Variants in GRM8 observed in about 807,000 individuals in gnomAD.
GRM8 encodes metabotropic glutamate receptor 8.
GRM8 carries 47 observed loss-of-function variants against 87.2 expected under a neutral mutation model. The observed-to-expected ratio is 0.54, with a 90% CI of 0.43 to 0.69. GRM8 has a LOEUF of 0.69. GRM8 is among the 30% of genes least tolerant of loss of function. GRM8 has a pLI of 0.00. For missense variants in GRM8, 1,019 were observed against 1,139.2 expected (o/e 0.89, Z 1.52); for synonymous variants, 396 against 404.5 (o/e 0.98, Z 0.25).
At chr7:126,479,160 GATCCTA>G (rs1806359563) in intron 9 of GRM8, among the ~76,000 whole-genome samples, 1 of 152,056 alleles carries the variant, frequency 6.6e-6, no homozygotes, top group Non-Finnish European at 1.5e-5. Context: ...CAAATGAAAT[GATCCTA>G]ATCTTGTGTT....
chr7:126,642,289 CA>C (rs1403745393), intron 7 of GRM8, among the ~76,000 whole-genome samples: 2 of 152,168 alleles, frequency 1.3e-5, no homozygotes, highest in East Asian at 3.9e-4. Context: ...AAGCACCACA[CA>C]TCATTAGACT....
At chr7:126,797,118 G>A (rs902711182) in intron 6 of GRM8, among the ~76,000 whole-genome samples, 1 of 152,066 alleles carries the variant, frequency 6.6e-6, no homozygotes, top group African/African-American at 2.4e-5. Context: ...GTCATTAAAT[G>A]TGAAAGCTTC....
intron 3 of GRM8, among the ~76,000 whole-genome samples, chr7:127,068,381 G>A (rs1240842153): frequency 1.3e-5 from 2 of 152,146 alleles, no homozygotes; most frequent in Non-Finnish European, 2.9e-5. Flanking sequence ...GGGGATTCCA[G>A]GCACATTATC....
chr7:126,557,007 A>T (rs1371446758), intron 8 of GRM8, among the ~76,000 whole-genome samples: 1 of 152,220 alleles, frequency 6.6e-6, no homozygotes, highest in East Asian at 1.9e-4. Flanking sequence ...CAGCACAAAG[A>T]AGAAACAGAA....
chr7:126,462,153 G>C (rs1332198627), intron 9 of GRM8, among the ~76,000 whole-genome samples: 1 of 151,518 alleles, frequency 6.6e-6, no homozygotes, highest in Non-Finnish European at 1.5e-5. Context: ...AGGCTGTTAA[G>C]TTTTACCACA....
In GRM8 at chr7:126,798,455, G is replaced by T. The variant is rs546532615; in HGVS notation, c.1157-28390C>A. Among the ~76,000 whole-genome samples the T allele has an allele frequency of 5.9e-5, 9 of 152,180 alleles. No individual in the cohort carries two copies. The East Asian group carries it at 1.7e-3, about 29-fold the overall frequency. On this transcript the variant is annotated intron_variant, in intron 6 of 10. Coordinates refer to ENST00000339582, the MANE Select transcript of GRM8 (RefSeq NM_000845.3). Reference sequence around the variant, plus strand: ...CCATGGCCACCTCATAGTGATAGGGGTGCTTCAACATGTCCTTAAGGCCAC... The same window carrying T: ...CCATGGCCACCTCATAGTGATAGGGTTGCTTCAACATGTCCTTAAGGCCAC...
At chr7:126,835,086 T>TAAAAAAAAAAAAAAAAAAAAAAAAA (rs11387803) in intron 6 of GRM8, among the ~76,000 whole-genome samples, 1 of 137,376 alleles carries the variant, frequency 7.3e-6, no homozygotes, top group Non-Finnish European at 1.6e-5. Flanking sequence ...AAAAAAAAAA[T>TAAAAAAAAAAAAAAAAAAAAAAAAA]AAAAAAAAAA....
chr7:126,983,113 G>C (rs528113553), intron 3 of GRM8, among the ~76,000 whole-genome samples: 2 of 152,260 alleles, frequency 1.3e-5, no homozygotes, highest in East Asian at 1.9e-4. Context: ...AAAGTGTCCA[G>C]GTGGCAATCT....
At chr7:126,881,828 C>T (rs1328310612) in intron 6 of GRM8, among the ~76,000 whole-genome samples, 1 of 152,080 alleles carries the variant, frequency 6.6e-6, no homozygotes, top group African/African-American at 2.4e-5. Context: ...TATCTTGTCC[C>T]ATAAGTGCTA....
chr7:126,692,115 G>C (rs2151374621), intron 7 of GRM8, among the ~76,000 whole-genome samples: 1 of 152,266 alleles, frequency 6.6e-6, no homozygotes, highest in South Asian at 2.1e-4. Context: ...GAATAGAAAA[G>C]AAAATGTTGC....
intron 6 of GRM8, among the ~76,000 whole-genome samples, chr7:126,899,342 G>C (rs181400225): frequency 6.6e-6 from 1 of 152,142 alleles, no homozygotes; most frequent in Admixed American, 6.5e-5. Context: ...TTCCATTCAT[G>C]TATCCTCCTC....
chr7:126,653,777 T>C (rs1804204842), intron 7 of GRM8, among the ~76,000 whole-genome samples: 1 of 152,248 alleles, frequency 6.6e-6, no homozygotes, highest in Admixed American at 6.5e-5. Context: ...AATAGTGTTG[T>C]TTTCTTTCTC....
chr7:126,579,731 T>A (rs192020360), intron 8 of GRM8, among the ~76,000 whole-genome samples: 1 of 152,298 alleles, frequency 6.6e-6, no homozygotes, highest in Admixed American at 6.5e-5. Context: ...AGCCCCAGTG[T>A]CTTCTAAATT....
intron 8 of GRM8, among the ~76,000 whole-genome samples, chr7:126,593,070 T>C (rs1257935735): frequency 6.6e-6 from 1 of 151,954 alleles, no homozygotes; most frequent in East Asian, 1.9e-4. Context: ...AGAAGATCTA[T>C]ACATTGAAAA....
At chr7:126,616,491 C>T (rs1346925733) in intron 7 of GRM8, among the ~76,000 whole-genome samples, 1 of 152,050 alleles carries the variant, frequency 6.6e-6, no homozygotes, top group Non-Finnish European at 1.5e-5. Context: ...CAAACACATT[C>T]AAAAGCTAGC....
At chr7:126,596,176 A>G (rs1654664593) in intron 8 of GRM8, among the ~76,000 whole-genome samples, 1 of 152,188 alleles carries the variant, frequency 6.6e-6, no homozygotes, top group Non-Finnish European at 1.5e-5. Context: ...ATACGCCAGT[A>G]ATGGGATTGC....
chr7:126,967,003 A>T (rs1216993677), intron 3 of GRM8, among the ~76,000 whole-genome samples: 1 of 152,150 alleles, frequency 6.6e-6, no homozygotes, highest in Non-Finnish European at 1.5e-5. Flanking sequence ...ACCTTCTCTG[A>T]TCTCCCCAGG....
chr7:126,746,667 G>T (rs1815724480), intron 7 of GRM8, among the ~76,000 whole-genome samples: 1 of 151,440 alleles, frequency 6.6e-6, no homozygotes, highest in South Asian at 2.1e-4. Context: ...TGACTTACTA[G>T]AATATAAGCC....
At chr7:126,914,139 GACA>G (rs1803611480) in intron 3 of GRM8, among the ~76,000 whole-genome samples, 1 of 152,114 alleles carries the variant, frequency 6.6e-6, no homozygotes, top group African/African-American at 2.4e-5. Context: ...CTCAAAAGAA[GACA>G]TACAGGTGGC....
Sources: gnomAD v4.1 joint callset for allele counts (sites outside exome capture counted in the v4.1 genomes callset) on GRCh38, gnomAD v4.1.1 for gene constraint, MANE v1.5 for transcripts, NCBI Gene and HGNC (gene_info 2026-07-23, HGNC 2026-07-21) for gene names.